PDE4D: variants seen among roughly 807,000 people sequenced by gnomAD.
PDE4D encodes 3',5'-cyclic-AMP phosphodiesterase 4D.
A neutral mutation model predicts 87.4 loss-of-function variants in PDE4D; 24 were observed. The ratio of observed to expected loss-of-function variants is 0.27; its 90% CI spans 0.20 to 0.39. The LOEUF is 0.39. Among genes scored for constraint, PDE4D ranks in the 10% least tolerant of loss-of-function variants. The probability of loss-of-function intolerance (pLI) is 1.00; values close to 1 mark genes in which losing one functional copy is unlikely to be tolerated. For synonymous variants in PDE4D, 384 were observed against 383.2 expected (o/e 1.00, Z -0.02); for missense variants, 714 against 1,041.0 (o/e 0.69, Z 4.32).
intron 1 of PDE4D, among the ~76,000 whole-genome samples, chr5:59,839,334 G>C (rs985206038): frequency 6.6e-5 from 10 of 151,898 alleles, no homozygotes; most frequent in African/African-American, 2.4e-4. Flanking sequence ...CTCATCCCAA[G>C]TTATCTACCA....
intron 1 of PDE4D, among the ~76,000 whole-genome samples, chr5:60,509,075 T>C (rs1035028666): frequency 1.1e-4 from 17 of 151,948 alleles, no homozygotes; most frequent in African/African-American, 4.1e-4. Flanking sequence ...GATTTTTATG[T>C]TTTTAGTAGA....
chr5:59,565,661 C>T (rs1208761330), intron 1 of PDE4D, among the ~76,000 whole-genome samples: 1 of 152,230 alleles, frequency 6.6e-6, no homozygotes, highest in Non-Finnish European at 1.5e-5. Flanking sequence ...AAAGGCAAAG[C>T]ACCTGATGCT....
intron 2 of PDE4D, among the ~76,000 whole-genome samples, chr5:59,204,827 G>T (rs1290553143): frequency 8.5e-5 from 13 of 152,200 alleles, no homozygotes; most frequent in Non-Finnish European, 1.5e-5. Context: ...CTAGGGAAAA[G>T]ATTTTTGGTC....
chr5:59,341,912 C>T (rs893361009), intron 1 of PDE4D, among the ~76,000 whole-genome samples: 5 of 152,062 alleles, frequency 3.3e-5, no homozygotes, highest in South Asian at 2.1e-4. Flanking sequence ...CTATGCCAGG[C>T]GCTAGTTTAA....
In PDE4D at chr5:60,045,836, G is replaced by C. The variant is rs547574201; in HGVS notation, c.43-57119C>G. 1.3e-4 allele frequency among the ~76,000 whole-genome samples: 20 copies of C among 152,236 alleles called. No homozygotes were observed. In the South Asian group the frequency reaches 2.3e-3, roughly 17 times the overall value. On this transcript the variant is annotated intron_variant, in intron 2 of 16. Transcript: ENST00000502484. Reference sequence around the variant, plus strand: ...TGTTCTTTTGGCTTAGGATTGACTTGGTGATGCGGGCTCTTTTATGGTTCC... The same window carrying C: ...TGTTCTTTTGGCTTAGGATTGACTTCGTGATGCGGGCTCTTTTATGGTTCC...
At chr5:60,200,187 C>A (rs935181023) in intron 1 of PDE4D, among the ~76,000 whole-genome samples, 1 of 151,624 alleles carries the variant, frequency 6.6e-6, no homozygotes, top group Non-Finnish European at 1.5e-5. Flanking sequence ...TCAATTCCCA[C>A]AAAATTCTGT....
intron 1 of PDE4D, among the ~76,000 whole-genome samples, chr5:59,861,148 G>A (rs1486320857): frequency 6.6e-6 from 1 of 152,016 alleles, no homozygotes; most frequent in African/African-American, 2.4e-5. Flanking sequence ...TGGGATTACA[G>A]GCATGAGCCA....
intron 5 of PDE4D, among the ~76,000 whole-genome samples, chr5:59,145,729 T>G (rs1325687134): frequency 6.6e-6 from 1 of 152,204 alleles, no homozygotes; most frequent in Non-Finnish European, 1.5e-5. Flanking sequence ...ACCTACATAA[T>G]TCCATGTCTG....
intron 1 of PDE4D, among the ~76,000 whole-genome samples, chr5:59,302,275 A>T (rs1374143692): frequency 6.6e-6 from 1 of 152,162 alleles, no homozygotes; most frequent in African/African-American, 2.4e-5. Context: ...CCTTGAACCA[A>T]TGATCAAGCG....
intron 1 of PDE4D, among the ~76,000 whole-genome samples, chr5:60,504,856 C>T (rs1750254315): frequency 6.6e-6 from 1 of 152,142 alleles, no homozygotes; most frequent in Non-Finnish European, 1.5e-5. Flanking sequence ...CTTCATGCCA[C>T]GTGGGGTTTA....
At chr5:59,007,650 A>C (rs560413001) in intron 6 of PDE4D, among the ~76,000 whole-genome samples, 97 of 152,258 alleles carry the variant, frequency 6.4e-4, no homozygotes, top group African/African-American at 2.3e-3. Flanking sequence ...GTTTGTATTT[A>C]CTGCCCTCTA....
intron 1 of PDE4D, among the ~76,000 whole-genome samples, chr5:60,382,560 G>A (rs375367860): frequency 1.3e-5 from 2 of 152,092 alleles, no homozygotes; most frequent in African/African-American, 4.8e-5. Context: ...TTCTATGGAA[G>A]AACATGTTTG....
chr5:59,833,410 A>G (rs564434180), intron 1 of PDE4D, among the ~76,000 whole-genome samples: 2 of 152,096 alleles, frequency 1.3e-5, no homozygotes, highest in Admixed American at 6.6e-5. Context: ...CCCAGCCCTG[A>G]GATGAGTGGA....
chr5:59,419,602 G>A (rs1794156391), intron 1 of PDE4D, among the ~76,000 whole-genome samples: 1 of 152,208 alleles, frequency 6.6e-6, no homozygotes, highest in Admixed American at 6.5e-5. Flanking sequence ...ATAGAAAAAG[G>A]TAGCTGAGCT....
At chr5:59,018,843 T>C (rs532984350) in intron 6 of PDE4D, among the ~76,000 whole-genome samples, 4 of 152,222 alleles carry the variant, frequency 2.6e-5, no homozygotes, top group African/African-American at 9.6e-5. Flanking sequence ...TTTCTAATAA[T>C]AACCTTTAAT....
chr5:60,270,447 C>A (rs1750699749), intron 1 of PDE4D, among the ~76,000 whole-genome samples: 1 of 152,126 alleles, frequency 6.6e-6, no homozygotes, highest in African/African-American at 2.4e-5. Flanking sequence ...AATAATATTT[C>A]ATAATTATGA....
chr5:59,272,545 A>T (rs1403436934), intron 1 of PDE4D, among the ~76,000 whole-genome samples: 1 of 152,112 alleles, frequency 6.6e-6, no homozygotes, highest in African/African-American at 2.4e-5. Context: ...TTTTAAAATA[A>T]TGCTTAAGAA....
chr5:60,271,770 G>A (rs1750836712), intron 1 of PDE4D, among the ~76,000 whole-genome samples: 1 of 152,152 alleles, frequency 6.6e-6, no homozygotes, highest in African/African-American at 2.4e-5. Context: ...GCTGCACTAA[G>A]CCATACTTTT....
intron 1 of PDE4D, among the ~76,000 whole-genome samples, chr5:60,437,400 G>T (rs1744845705): frequency 6.6e-6 from 1 of 152,116 alleles, no homozygotes; most frequent in Admixed American, 6.6e-5. Context: ...ACTGAGCAAA[G>T]TGCCTTATAC....
Sources: gnomAD v4.1 joint callset for allele counts (sites outside exome capture counted in the v4.1 genomes callset) on GRCh38, gnomAD v4.1.1 for gene constraint, MANE v1.5 for transcripts, NCBI Gene and HGNC (gene_info 2026-07-23, HGNC 2026-07-21) for gene names.